SHTN1: variants seen among roughly 807,000 people sequenced by gnomAD.
The protein encoded by SHTN1 is shootin 1.
In SHTN1, 42 loss-of-function variants were observed where a neutral mutation model predicts 83.1. The observed-to-expected ratio is 0.51, with a 90% CI of 0.39 to 0.65. The LOEUF is 0.65. Ranked by LOEUF, SHTN1 falls within the 30% of genes least tolerant of loss-of-function variation. The pLI is 0.00. For missense variants in SHTN1, 622 were observed against 737.8 expected, an observed-to-expected ratio of 0.84 and a Z score of 1.82; for synonymous variants, 224 against 247.7, an observed-to-expected ratio of 0.90 and a Z score of 0.90.
At chr10:117,039,659 C>T (rs183835698) in intron 2 of SHTN1, among the ~76,000 whole-genome samples, 823 of 151,984 alleles carry the variant, frequency 5.4e-3, no homozygotes, top group Middle Eastern at 0.031. Context: ...CAAGACCATC[C>T]TGGTTAACAC....
chr10:116,969,908 T>G (rs1249941993), intron 2 of SHTN1, among the ~76,000 whole-genome samples: 3 of 152,198 alleles, frequency 2.0e-5, no homozygotes, highest in African/African-American at 7.2e-5. Context: ...GAGTAGTAAT[T>G]TTAAATGTAT....
chr10:117,006,570 A>C (rs1258653626), upstream of SHTN1, among the ~76,000 whole-genome samples: 2 of 151,392 alleles, frequency 1.3e-5, no homozygotes, highest in Non-Finnish European at 2.9e-5. Context: ...CGTCTCAAAA[A>C]AAAAAAAAAA....
intron 1 of SHTN1, among the ~76,000 whole-genome samples, chr10:117,120,490 C>T (rs934394726): frequency 3.3e-5 from 5 of 152,132 alleles, no homozygotes; most frequent in African/African-American, 4.8e-5. Context: ...CCTTGTGATC[C>T]GCCTCCCTTG....
intron 2 of SHTN1, among the ~76,000 whole-genome samples, chr10:117,043,090 GA>G (rs1852609498): frequency 1.3e-5 from 2 of 151,410 alleles, no homozygotes; most frequent in Non-Finnish European, 2.9e-5. Context: ...ATGATTTTCA[GA>G]CAATTTCCAT....
intron 1 of SHTN1, among the ~76,000 whole-genome samples, chr10:117,120,492 C>T (rs1853907460): frequency 6.6e-6 from 1 of 152,134 alleles, no homozygotes; most frequent in East Asian, 1.9e-4. Flanking sequence ...TTGTGATCCG[C>T]CTCCCTTGGC....
rs573055251 is a variant in SHTN1, at chr10:116,957,858, G to A, written c.267+2278C>T. On this transcript the variant is annotated intron_variant, in intron 4 of 16. Coordinates refer to ENST00000355371, the MANE Select transcript of SHTN1 (RefSeq NM_001127211.3). ...GCAGGTCACCTGAGGTCAGGAGTTT[G>A]AGACCAGCCTGGTCAACACAGTGAA... 7.4e-4 allele frequency among the ~76,000 whole-genome samples: 112 copies of A among 152,216 alleles called. 2 individuals are homozygous for A. The South Asian group carries it at 0.022, about 30-fold the overall frequency.
At chr10:117,006,672 A>G (rs117780732), upstream of SHTN1, among the ~76,000 whole-genome samples, 2,786 of 151,946 alleles carry the variant, frequency 0.018, 47 homozygotes, top group Non-Finnish European at 0.029. Flanking sequence ...AGCATGGGAG[A>G]TAAGTCCAAA....
At chr10:117,039,408 G>A (rs192464973) in intron 2 of SHTN1, among the ~76,000 whole-genome samples, 9 of 152,236 alleles carry the variant, frequency 5.9e-5, no homozygotes, top group South Asian at 2.1e-4. Flanking sequence ...TGGTGGATAC[G>A]TATCATTATA....
rs567940383 is a variant in SHTN1 at position 117,029,229 on chromosome 10, T to C, written c.-123+19216A>G. Among the ~76,000 whole-genome samples, 4 of 152,350 alleles carry C rather than the reference T, an allele frequency of 2.6e-5. No individual in the cohort carries two copies. The East Asian group carries it at 7.7e-4, about 29-fold the overall frequency. On this transcript the variant is annotated intron_variant, in intron 2 of 17. Transcript: ENST00000392901. Reference sequence around the variant, plus strand: ...CCTGTGGCTCCTTTTTTATGGCCAATGCCTCCCTTTTGGAATGGGAATATT... The same window carrying C: ...CCTGTGGCTCCTTTTTTATGGCCAACGCCTCCCTTTTGGAATGGGAATATT...
chr10:116,927,937 A>G, intron 10 of SHTN1, 46 bp from the exon 11 acceptor site: 4 of 1,602,304 alleles, frequency 2.5e-6, no homozygotes, highest in South Asian at 2.2e-5. Flanking sequence ...ATAAGCAACT[A>G]AACATTGTTT....
chr10:117,046,625 C>T (rs146004898), intron 2 of SHTN1, among the ~76,000 whole-genome samples: 30 of 152,214 alleles, frequency 2.0e-4, no homozygotes, highest in African/African-American at 5.1e-4. Context: ...CCCAAATATC[C>T]ATCAATTGGT....
At chr10:117,113,550 CCTT>C (rs1853797984) in intron 1 of SHTN1, among the ~76,000 whole-genome samples, 1 of 116,518 alleles carries the variant, frequency 8.6e-6, no homozygotes, top group Non-Finnish European at 2.1e-5. Flanking sequence ...ATCATTAAGA[CCTT>C]CTGTTTTCTA....
At chr10:116,902,699 T>C (rs1847794624) in intron 15 of SHTN1, among the ~76,000 whole-genome samples, 1 of 152,218 alleles carries the variant, frequency 6.6e-6, no homozygotes, top group Non-Finnish European at 1.5e-5. Context: ...TTCTAGTAAG[T>C]GCTTCTTGAA....
rs369056090 is a variant in SHTN1, at chr10:116,972,829, A to G, written c.112-4117T>C. On this transcript the variant is annotated intron_variant, in intron 2 of 16. Transcript: ENST00000355371. ...ATGTAAGCAAGCTGGATAACATTAC[A>G]TCGACTCTAGAGTCTCTATTTGGCT... Among the ~76,000 whole-genome samples the G allele has an allele frequency of 5.9e-5, 9 of 152,280 alleles. No individual in the cohort carries two copies. The East Asian group carries it at 9.7e-4, about 16-fold the overall frequency.
chr10:117,018,520 A>G (rs1318786082), intron 2 of SHTN1, among the ~76,000 whole-genome samples: 1 of 149,190 alleles, frequency 6.7e-6, no homozygotes. Context: ...AAAAAAAAAA[A>G]AAAGGAAAAT....
intron 11 of SHTN1, among the ~76,000 whole-genome samples, chr10:116,927,231 C>T (rs1848773955): frequency 6.6e-6 from 1 of 152,122 alleles, no homozygotes; most frequent in Admixed American, 6.5e-5. Flanking sequence ...TCTGGAAAAG[C>T]TCAAAATTCC....
intron 9 of SHTN1, among the ~76,000 whole-genome samples, chr10:116,937,492 C>T (rs1423700687): frequency 6.6e-6 from 1 of 152,130 alleles, no homozygotes; most frequent in Non-Finnish European, 1.5e-5. Flanking sequence ...TATTGGCCCC[C>T]ACTCTCTTCT....
In SHTN1 at chr10:116,915,404, C is replaced by T. The variant is rs373191933; in HGVS notation, c.1276G>A (p.Val426Ile). 24 of 1,605,582 alleles carry T rather than the reference C, an allele frequency of 1.5e-5. No individual in the cohort carries two copies. Among genetic ancestry groups the T allele is most frequent in the East Asian group, 4.5e-5 (2 of 44,828 alleles). The change falls in exon 13 of 17, where the codon GTT becomes ATT. Residue 426 changes from valine to isoleucine, a missense_variant. This residue lies in a region of SHTN1 where 231 missense variants were observed against 251.6 expected (regional missense o/e 0.92). Coordinates refer to ENST00000355371, the MANE Select transcript of SHTN1 (RefSeq NM_001127211.3). ...GTCTTCGGTCTGGCTGTCTGATTAA[C>T]GGGTCTAAGATGAACTCCCTTTTTA... is the stretch of plus-strand genomic sequence containing the variant. ...RIKKGVHLRP[V>I]NQTARPKTKP...
chr10:117,018,541 C>G (rs567565921), intron 2 of SHTN1, among the ~76,000 whole-genome samples: 1 of 147,716 alleles, frequency 6.8e-6, no homozygotes, highest in Non-Finnish European at 1.5e-5. Flanking sequence ...ATTTTTCTCC[C>G]CTTAAGATTG....
Sources: gnomAD v4.1 joint callset for allele counts (sites outside exome capture counted in the v4.1 genomes callset) on GRCh38, gnomAD v4.1.1 for gene constraint, gnomAD v4.1.1 regional missense constraint, MANE v1.5 for transcripts, NCBI Gene and HGNC (gene_info 2026-07-23, HGNC 2026-07-21) for gene names.